The following MYRFL variants were observed in gnomAD, a reference collection of about 807,000 sequenced individuals.
MYRFL encodes myelin regulatory factor like.
In MYRFL, 88 loss-of-function variants were observed where a neutral mutation model predicts 109.4. That is an observed-to-expected ratio of 0.80 (90% CI 0.68 to 0.96). The LOEUF (loss-of-function observed/expected upper bound fraction) is 0.96, where lower values mean the gene tolerates loss of function less well. MYRFL is among the 40% of genes least tolerant of loss of function. MYRFL has a pLI of 0.00. For missense variants in MYRFL, 957 were observed against 954.9 expected, an observed-to-expected ratio of 1.00 and a Z score of -0.03; for synonymous variants, 324 against 320.9, an observed-to-expected ratio of 1.01 and a Z score of -0.10.
intron 15 of MYRFL, among the ~76,000 whole-genome samples, chr12:69,930,281 C>T (rs536960229): frequency 1.3e-5 from 2 of 152,136 alleles, no homozygotes; most frequent in South Asian, 2.1e-4. Flanking sequence ...CTGGCTGGGC[C>T]CTGCCTTTAC....
intron 10 of MYRFL, among the ~76,000 whole-genome samples, chr12:69,901,709 AT>A (rs1001555958): frequency 6.6e-6 from 1 of 152,210 alleles, no homozygotes; most frequent in African/African-American, 2.4e-5. Context: ...ATTGGTTGCT[AT>A]AAAAGGATTT....
chr12:69,893,976 A>G (rs1887066984), intron 8 of MYRFL, 136 bp downstream of exon 8: 1 of 233,352 alleles, frequency 4.3e-6, no homozygotes, highest in Non-Finnish European at 7.6e-6. Flanking sequence ...TAGAATCCAA[A>G]TTAATAATGT....
intron 13 of MYRFL, among the ~76,000 whole-genome samples, chr12:69,912,948 C>T (rs1299016611): frequency 1.3e-5 from 2 of 152,248 alleles, no homozygotes; most frequent in Non-Finnish European, 2.9e-5. Flanking sequence ...AGTTTGTCCA[C>T]GTCCTCACCG....
rs1379798397 is a variant in MYRFL, at chr12:69,854,341, G to GA, written c.47-938dup. ...GCATCAGAGGGAGACCGTGGAGGGG[G>GA]AGGGGGAGGGAGAGGGAGAGGGAGA... is the stretch of plus-strand genomic sequence containing the variant. On this transcript the variant is annotated intron_variant, in intron 1 of 24. Transcript: ENST00000552032. Among the ~76,000 whole-genome samples, 20 of 143,346 alleles carry GA rather than the reference G, an allele frequency of 1.4e-4. 1 individual carries two copies. In the East Asian group the frequency reaches 4.1e-3, roughly 29 times the overall value. The allele number at this position is 143,346 out of a possible 152,430, so 94.0% of individuals were successfully genotyped here.
intron 1 of MYRFL, among the ~76,000 whole-genome samples, chr12:69,848,776 T>C (rs559202892): frequency 6.6e-6 from 1 of 152,362 alleles, no homozygotes; most frequent in African/African-American, 2.4e-5. Context: ...AATAACATGG[T>C]AACTAAAATA....
chr12:69,855,417 GA>G (rs1338342260), intron 2 of MYRFL, 47 bp downstream of exon 2: 2 of 697,982 alleles, frequency 2.9e-6, no homozygotes, highest in Admixed American at 2.0e-5. Flanking sequence ...AAAATATTAT[GA>G]AATGATTAAA....
At chr12:69,883,294 A>G (rs1241556233) in intron 5 of MYRFL, among the ~76,000 whole-genome samples, 1 of 152,232 alleles carries the variant, frequency 6.6e-6, no homozygotes, top group African/African-American at 2.4e-5. Flanking sequence ...TTTTGGCAGT[A>G]TCTACTAAAG....
chr12:69,921,762 G>A (rs1954923172), intron 13 of MYRFL, among the ~76,000 whole-genome samples: 1 of 152,080 alleles, frequency 6.6e-6, no homozygotes, highest in African/African-American at 2.4e-5. Context: ...AAGATATATG[G>A]TACTGGCAAA....
intron 1 of MYRFL, among the ~76,000 whole-genome samples, chr12:69,846,430 ATATGCAG>A (rs1883551936): frequency 6.6e-6 from 1 of 151,212 alleles, no homozygotes. Context: ...ATGAGTGAGA[ATATGCAG>A]TATGCAGTGT....
chr12:69,877,807 T>C (rs1885780015), intron 2 of MYRFL, among the ~76,000 whole-genome samples: 1 of 152,236 alleles, frequency 6.6e-6, no homozygotes, highest in Non-Finnish European at 1.5e-5. Flanking sequence ...AAGCTTCCTC[T>C]TCAAGCAAGA....
chr12:69,875,007 T>C (rs1380631980), intron 2 of MYRFL, among the ~76,000 whole-genome samples: 2 of 151,160 alleles, frequency 1.3e-5, no homozygotes, highest in African/African-American at 4.8e-5. Context: ...TACATTTATA[T>C]CTTTAAGAAG....
rs575996449 is a variant in MYRFL, at chr12:69,905,499, G to A, written c.1383+1655G>A. ...AGAATAAAGAAAATCCTGGTCCGTG[G>A]TTAGAAGTCTAAGAGTTTAGTCCTG... On this transcript the variant is annotated intron_variant, in intron 11 of 24. Coordinates refer to ENST00000552032, the MANE Select transcript of MYRFL (RefSeq NM_182530.3). Among the ~76,000 whole-genome samples the A allele has an allele frequency of 3.9e-5, 6 of 152,156 alleles. 1 individual carries two copies. The South Asian group carries it at 1.2e-3, about 32-fold the overall frequency.
At chr12:69,938,530 C>T (rs139833257) in intron 19 of MYRFL, among the ~76,000 whole-genome samples, 202 of 152,086 alleles carry the variant, frequency 1.3e-3, no homozygotes, top group African/African-American at 4.8e-3. Flanking sequence ...CACTAGTGGC[C>T]CCATAAGATA....
intron 11 of MYRFL, among the ~76,000 whole-genome samples, chr12:69,906,762 T>A (rs749280216): frequency 1.3e-5 from 2 of 152,182 alleles, no homozygotes; most frequent in Non-Finnish European, 2.9e-5. Context: ...TTTAAGCTGC[T>A]CCTAGTCCAG....
At chr12:69,880,820 G>C (rs901379775) in intron 5 of MYRFL, among the ~76,000 whole-genome samples, 1 of 152,204 alleles carries the variant, frequency 6.6e-6, no homozygotes, top group Non-Finnish European at 1.5e-5. Flanking sequence ...CACTAGAACA[G>C]GGAGGTGGAA....
chr12:69,908,716 G>T (rs1444894407), intron 11 of MYRFL, among the ~76,000 whole-genome samples: 1 of 152,022 alleles, frequency 6.6e-6, no homozygotes, highest in Non-Finnish European at 1.5e-5. Flanking sequence ...CTATCAGCTG[G>T]GTCTTCCTGT....
At chr12:69,952,719 TTGAGGAC>T in intron 20 of MYRFL, 73 bp from the exon 21 acceptor site, 1 of 987,844 alleles carries the variant, frequency 1.0e-6, no homozygotes, top group Non-Finnish European at 1.5e-6. Flanking sequence ...ATTCTGTAAT[TTGAGGAC>T]TGTGGCTGGA....
intron 22 of MYRFL, among the ~76,000 whole-genome samples, chr12:69,956,926 G>A (rs1468658917): frequency 6.6e-6 from 1 of 152,128 alleles, no homozygotes; most frequent in African/African-American, 2.4e-5. Context: ...AGCTTTTAGT[G>A]GAAGGAAATA....
At chr12:69,891,593 CTTTCTTTCTTTCTCTT>C (rs1239497167) in intron 7 of MYRFL, among the ~76,000 whole-genome samples, 2 of 138,532 alleles carry the variant, frequency 1.4e-5, no homozygotes, top group African/African-American at 3.0e-5. Flanking sequence ...TTCTTTCTTT[CTTTCTTTCTTTCTCTT>C]TCTTTCTTTC....
Sources: allele counts gnomAD v4.1 joint callset (sites outside exome capture counted in the v4.1 genomes callset), GRCh38; gene constraint gnomAD v4.1.1; transcripts MANE v1.5; gene names NCBI Gene and HGNC (gene_info 2026-07-23, HGNC 2026-07-21).